The following ANO10 variants were observed in gnomAD, a reference collection of about 807,000 sequenced individuals.
ANO10 encodes anoctamin-10.
In ANO10, 77 loss-of-function variants were observed where a neutral mutation model predicts 74.7. The observed-to-expected ratio is 1.03, with a 90% CI of 0.86 to 1.25. The LOEUF is 1.25. ANO10 is among the 50% of genes most tolerant of loss of function. ANO10 has a pLI of 0.00. For synonymous variants in ANO10, 279 were observed against 284.9 expected (o/e 0.98, Z 0.21); for missense variants, 721 against 778.1 (o/e 0.93, Z 0.87).
chr3:43,412,028 A>C (rs982937498), intron 12 of ANO10, among the ~76,000 whole-genome samples: 4 of 148,046 alleles, frequency 2.7e-5, no homozygotes, highest in South Asian at 2.1e-4. Flanking sequence ...ATATATTTAC[A>C]TATTTTATAT....
Position 43,562,287 on chromosome 3 carries a change from C to T in ANO10, c.1294-885G>A, listed in dbSNP as rs1393649886. On this transcript the variant is annotated intron_variant, in intron 8 of 12. Coordinates refer to ENST00000292246, the MANE Select transcript of ANO10 (RefSeq NM_018075.5). ...CTAACACGGTGAAATCCTGTCTCTA[C>T]TAAAAATACAAAAAGTTAGCCGGGC... Among the ~76,000 whole-genome samples, 8 of 151,704 alleles carry T rather than the reference C, an allele frequency of 5.3e-5. No individual in the cohort carries two copies. In the Middle Eastern group the frequency reaches 0.01, roughly 195 times the overall value.
chr3:43,455,745 T>C (rs1055509197), intron 11 of ANO10, among the ~76,000 whole-genome samples: 1 of 152,276 alleles, frequency 6.6e-6, no homozygotes, highest in African/African-American at 2.4e-5. Context: ...TAAACTACAC[T>C]TAAAATTTTT....
At chr3:43,415,489 G>A (rs947395155) in intron 12 of ANO10, among the ~76,000 whole-genome samples, 10 of 151,908 alleles carry the variant, frequency 6.6e-5, no homozygotes, top group African/African-American at 2.2e-4. Context: ...AAAAGCCAAT[G>A]TTTTAGTACA....
At chr3:43,444,887 G>A (rs1255544081) in intron 11 of ANO10, among the ~76,000 whole-genome samples, 1 of 152,072 alleles carries the variant, frequency 6.6e-6, no homozygotes, top group Non-Finnish European at 1.5e-5. Flanking sequence ...ATGCTGGGAG[G>A]CCAAGGCGGG....
chr3:43,459,884 A>C (rs1485186961), intron 11 of ANO10, among the ~76,000 whole-genome samples: 1 of 152,204 alleles, frequency 6.6e-6, no homozygotes, highest in African/African-American at 2.4e-5. Context: ...GAAGTTAAAC[A>C]AGTTACTCAG....
chr3:43,468,710 TTTTC>T (rs1334279842), intron 11 of ANO10, among the ~76,000 whole-genome samples: 1 of 148,436 alleles, frequency 6.7e-6, no homozygotes, highest in East Asian at 2.1e-4. Flanking sequence ...CTTTTTTTTG[TTTTC>T]TTTTTTTTTT....
chr3:43,474,077 G>A (rs999344390), intron 11 of ANO10, among the ~76,000 whole-genome samples: 11 of 152,140 alleles, frequency 7.2e-5, no homozygotes, highest in Non-Finnish European at 1.5e-5. Flanking sequence ...TATAACAGAG[G>A]CCTTTTTGGT....
chr3:43,390,581 C>T (rs190807447), intron 12 of ANO10, among the ~76,000 whole-genome samples: 13 of 152,350 alleles, frequency 8.5e-5, no homozygotes, highest in Admixed American at 8.5e-4. Flanking sequence ...CTGGGCTGCA[C>T]CCCATGAGCA....
At chr3:43,570,578 T>C in intron 7 of ANO10, among the ~76,000 whole-genome samples, 2 of 152,062 alleles carry the variant, frequency 1.3e-5, no homozygotes. Context: ...AAACAAGCAA[T>C]GGGGAAGGGA....
intron 7 of ANO10, among the ~76,000 whole-genome samples, chr3:43,570,556 C>A (rs1193937083): frequency 1.3e-5 from 2 of 152,156 alleles, no homozygotes; most frequent in African/African-American, 2.4e-5. Context: ...TGATCTTTGA[C>A]AAACCTCACA....
intron 12 of ANO10, among the ~76,000 whole-genome samples, chr3:43,427,747 G>C (rs1463031182): frequency 6.6e-6 from 1 of 152,172 alleles, no homozygotes; most frequent in Non-Finnish European, 1.5e-5. Context: ...TTAAATGTCA[G>C]ATTAAAGAAA....
chr3:43,613,064 AG>A lies in ANO10; in HGVS notation c.-11-7202del, dbSNP rs530751159. 7.2e-4 allele frequency among the ~76,000 whole-genome samples: 110 copies of A among 152,224 alleles called. 1 individual carries two copies. The highest frequency in any genetic ancestry group is 2.6e-3 in the African/African-American group (106 of 41,524). On this transcript the variant is annotated intron_variant, in intron 1 of 12. Coordinates refer to ENST00000292246, the MANE Select transcript of ANO10 (RefSeq NM_018075.5). ...ACGCCTGTAATCCCAGCTACTCGGGAGGCTGAAGCAAGAGAATTGCTTGAAC... is the reference window on the plus strand; with the variant it reads ...ACGCCTGTAATCCCAGCTACTCGGGAGCTGAAGCAAGAGAATTGCTTGAAC...
chr3:43,417,325 G>A (rs1486075704), intron 12 of ANO10, among the ~76,000 whole-genome samples: 1 of 152,162 alleles, frequency 6.6e-6, no homozygotes, highest in Non-Finnish European at 1.5e-5. Flanking sequence ...GCTGGCCAAG[G>A]GGAAAGTTTA....
At chr3:43,370,164 C>G (rs1218176934) in intron 12 of ANO10, among the ~76,000 whole-genome samples, 1 of 152,146 alleles carries the variant, frequency 6.6e-6, no homozygotes, top group Non-Finnish European at 1.5e-5. Flanking sequence ...CCACACCCTC[C>G]CCGATGGGGA....
intron 1 of ANO10, among the ~76,000 whole-genome samples, chr3:43,660,565 C>T (rs1206949734): frequency 2.6e-5 from 4 of 152,034 alleles, no homozygotes; most frequent in African/African-American, 7.2e-5. Context: ...TGAAAAGAAA[C>T]GAACAAAGCT....
At chr3:43,525,559 C>A (rs962166658) in intron 11 of ANO10, among the ~76,000 whole-genome samples, 4 of 152,186 alleles carry the variant, frequency 2.6e-5, no homozygotes, top group African/African-American at 9.7e-5. Flanking sequence ...GCACAGTTAA[C>A]CCCATGGTCA....
At chr3:43,389,420 A>G (rs958273345) in intron 12 of ANO10, among the ~76,000 whole-genome samples, 1 of 152,192 alleles carries the variant, frequency 6.6e-6, no homozygotes, top group African/African-American at 2.4e-5. Flanking sequence ...TTAGGAGCTC[A>G]TGGTCAGCTT....
At chr3:43,510,034 G>T (rs1338035645) in intron 11 of ANO10, among the ~76,000 whole-genome samples, 2 of 152,212 alleles carry the variant, frequency 1.3e-5, no homozygotes, top group South Asian at 4.1e-4. Context: ...TGATCATCAG[G>T]GGTAAGGAAT....
At chr3:43,375,189 T>TA (rs2091757206) in intron 12 of ANO10, among the ~76,000 whole-genome samples, 1 of 151,664 alleles carries the variant, frequency 6.6e-6, no homozygotes, top group Non-Finnish European at 1.5e-5. Flanking sequence ...CTCATGCTGG[T>TA]AATCCCAGCA....
Sources: allele counts gnomAD v4.1 joint callset (sites outside exome capture counted in the v4.1 genomes callset), GRCh38; gene constraint gnomAD v4.1.1; transcripts MANE v1.5; gene names NCBI Gene and HGNC (gene_info 2026-07-23, HGNC 2026-07-21).